Variants in LENG1 observed in about 807,000 individuals in gnomAD.
LENG1 encodes leukocyte receptor cluster member 1.
Under a neutral mutation model 28.8 loss-of-function variants are expected in LENG1, and 35 were observed. The observed-to-expected ratio is 1.22, with a 90% CI of 0.93 to 1.61. The LOEUF is 1.61. LENG1 is among the 40% of genes most tolerant of loss of function. The pLI is 0.00. For synonymous variants in LENG1, 170 were observed against 140.6 expected, an observed-to-expected ratio of 1.21 and a Z score of -1.48; for missense variants, 404 against 348.9, an observed-to-expected ratio of 1.16 and a Z score of -1.26.
chr19:54,156,643 C>T (rs1281799259), intron 3 of LENG1, 120 bp downstream of exon 3: 3 of 1,072,926 alleles, frequency 2.8e-6, no homozygotes, highest in Non-Finnish European at 4.0e-6. Context: ...ACTTCTCCAC[C>T]TAGCCAGCCC....
chr19:54,157,008 A>C lies in LENG1; in HGVS notation c.330T>G (p.Ala110=). The C allele has an allele frequency of 6.4e-7, 1 of 1,551,666 alleles. No individual in the cohort carries two copies. Among genetic ancestry groups the C allele is most frequent in the South Asian group, 1.2e-5 (1 of 82,404 alleles). ...GGCCCAGGTATGTCAGGATGCCCAG[A>C]GCTTTCTCTTGCCTCTCCTGAGGGG... ...KRQEKERQEK[A]LGILTYLGQS... Residue 110 remains alanine (A), a synonymous_variant, in exon 3 of 4, where the codon GCT becomes GCG. Transcript: ENST00000222224.
chr19:54,156,831 C>T lies in LENG1; in HGVS notation c.507G>A (p.Gln169=). The change falls in exon 3 of 4, where the codon CAG becomes CAA. Residue 169 remains glutamine (Q), a synonymous_variant. Transcript: ENST00000222224. ...EMQKHLGKKR[Q]HGGDEGSRSR... ...TGCGACTGCCTTCATCACCGCCGTG[C>T]TGTCTCTTCTTCCCCAGATGCTTCT... 2 of 1,606,534 alleles carry T rather than the reference C, an allele frequency of 1.2e-6. No homozygotes were observed.
At position 54,158,351 on chromosome 19, in the gene LENG1, C is replaced by T; in HGVS notation, c.243G>A (p.Glu81=). 1 of 1,614,218 alleles carries T rather than the reference C, an allele frequency of 6.2e-7. No individual in the cohort carries two copies. Among genetic ancestry groups the T allele is most frequent in the Non-Finnish European group, 8.5e-7 (1 of 1,180,026 alleles). The change falls in exon 2 of 4, where the codon GAG becomes GAA. Residue 81 remains glutamate (E), a synonymous_variant. Coordinates refer to ENST00000222224, the MANE Select transcript of LENG1 (RefSeq NM_024316.3). ...TCACTCCTTTCCCTTCCTCCAGCAG[C>T]TCCCGAAACAGGTCCACAGGGCCAG... is the stretch of plus-strand genomic sequence containing the variant. The part of the protein sequence containing the change: ...PGSGPVDLFR[E]LLEEGKGVIR...
At chr19:54,157,896 T>G (rs2075425024) in intron 2 of LENG1, among the ~76,000 whole-genome samples, 1 of 151,308 alleles carries the variant, frequency 6.6e-6, no homozygotes, top group African/African-American at 2.4e-5. Context: ...TTTTTTTGTA[T>G]TTTTAGAGAT....
chr19:54,157,864 C>T (rs139659030), intron 2 of LENG1, among the ~76,000 whole-genome samples: 2,562 of 151,796 alleles, frequency 0.017, 31 homozygotes, highest in Non-Finnish European at 0.027. Context: ...ATTACAGGCG[C>T]GCACCACCAT....
In LENG1 at chr19:54,157,037, A is replaced by G; in HGVS notation, c.313-12T>C. The G allele has an allele frequency of 6.6e-7, 1 of 1,514,724 alleles. No individual in the cohort carries two copies. Among genetic ancestry groups the G allele is most frequent in the Non-Finnish European group, 8.8e-7 (1 of 1,131,902 alleles). The allele number at this position is 1,514,724 out of a possible 1,614,324, so 93.8% of individuals were successfully genotyped here. ...TTCTCTTGCCTCTCCTGAGGGGGCCAGGAAATACAAGAGATGTGATATAAT... is the reference window on the plus strand; with the variant it reads ...TTCTCTTGCCTCTCCTGAGGGGGCCGGGAAATACAAGAGATGTGATATAAT... On this transcript the variant is annotated splice_polypyrimidine_tract_variant and intron_variant, in intron 2 of 3. Transcript: ENST00000222224.
At chr19:54,158,089 C>T (rs911915644) in intron 2 of LENG1, among the ~76,000 whole-genome samples, 193 bp downstream of exon 2, 1 of 152,226 alleles carries the variant, frequency 6.6e-6, no homozygotes, top group Admixed American at 6.5e-5. Context: ...CTGGGGACCT[C>T]TAGCATCTAC....
intron 3 of LENG1, 81 bp downstream of exon 3, chr19:54,156,680 CAG>C (rs1208921567): frequency 1.4e-6 from 2 of 1,428,524 alleles, no homozygotes; most frequent in Non-Finnish European, 1.9e-6. Flanking sequence ...CTGTCCTGAC[CAG>C]AGACGCTGCA....
Position 54,158,274 on chromosome 19 carries a change from C to T in LENG1, c.312+8G>A, listed in dbSNP as rs769883094. The T allele has an allele frequency of 6.2e-7, 1 of 1,612,012 alleles. No individual in the cohort carries two copies. ...GCCCCTCTGATGAAGTGGGTGAGGCCAGCTTACTTTCTCCTGTCGCTTTTC... is the reference window on the plus strand; with the variant it reads ...GCCCCTCTGATGAAGTGGGTGAGGCTAGCTTACTTTCTCCTGTCGCTTTTC... On this transcript the variant is annotated splice_region_variant and intron_variant, in intron 2 of 3. Coordinates refer to ENST00000222224, the MANE Select transcript of LENG1 (RefSeq NM_024316.3).
intron 1 of LENG1, 145 bp downstream of exon 1, chr19:54,159,419 A>G (rs1426095684): frequency 2.3e-6 from 2 of 854,358 alleles, no homozygotes; most frequent in African/African-American, 3.4e-5. Context: ...TTTGCGGGGC[A>G]ACGTCCTCGA....
chr19:54,156,854 T>C lies in LENG1; in HGVS notation c.484A>G (p.Lys162Glu), dbSNP rs2075398887. The change falls in exon 3 of 4, where the codon AAG becomes GAG. Residue 162 changes from lysine to glutamate, a missense_variant. Physicochemically the swap from Lys to Glu is moderately conservative, Grantham distance 56. Coordinates refer to ENST00000222224, the MANE Select transcript of LENG1 (RefSeq NM_024316.3). ...SRLDPLREMQKHLGKKRQHGG... is the reference protein window; with the variant it reads ...SRLDPLREMQEHLGKKRQHGG... ...TGCTGTCTCTTCTTCCCCAGATGCT[T>C]CTGCATCTCCCGCAGAGGGTCCAGA... 1.2e-6 allele frequency: 2 copies of C among 1,612,502 alleles called. No individual in the cohort carries two copies. The highest frequency in any genetic ancestry group is 2.7e-5 in the African/African-American group (2 of 74,836).
At chr19:54,158,222 T>C in intron 2 of LENG1, 60 bp downstream of exon 2, 3 of 1,474,874 alleles carry the variant, frequency 2.0e-6, no homozygotes, top group South Asian at 1.2e-5. Context: ...ATGGCTAAAG[T>C]GCCCCCTCCC....
chr19:54,159,691 T>G lies in LENG1; in HGVS notation c.5A>C (p.Asn2Thr). The change falls in exon 1 of 4, where the codon AAT (asparagine) becomes ACT (threonine). Residue 2 changes from asparagine to threonine, a missense_variant. By Grantham distance (65) the Asn-to-Thr change is moderately conservative. Coordinates refer to ENST00000222224, the MANE Select transcript of LENG1 (RefSeq NM_024316.3). The part of the protein sequence containing the change: M[N>T]ILPKKSWHVR... ...GTGCCAGCTCTTCTTGGGCAAGATA[T>G]TCATGGCGTCGTAGCTGTCCAGGGA... is the stretch of plus-strand genomic sequence containing the variant. 1.2e-6 allele frequency: 2 copies of G among 1,610,700 alleles called. No individual in the cohort carries two copies. The highest frequency in any genetic ancestry group is 8.5e-7 in the Non-Finnish European group (1 of 1,178,630).
rs1428000626 is a variant in LENG1 at position 54,155,178 on chromosome 19, T to C, written c.*543A>G. Reference sequence around the variant, plus strand: ...CCTTGTGAGGATGGATGAGAGTGTGTGCGTGCAGGGCAGCTGGCCCGGTGC... The same window carrying C: ...CCTTGTGAGGATGGATGAGAGTGTGCGCGTGCAGGGCAGCTGGCCCGGTGC... On this transcript the variant is annotated 3_prime_UTR_variant, in exon 4 of 4. Transcript: ENST00000222224. 44 of 974,862 alleles carry C rather than the reference T, an allele frequency of 4.5e-5. No homozygotes were observed. The highest frequency in any genetic ancestry group is 6.5e-5 in the African/African-American group (4 of 61,102). The allele number at this position is 974,862 out of a possible 1,614,324, so 60.4% of individuals were successfully genotyped here. A position where few individuals can be genotyped will look rare whatever the true frequency, so the allele number is the denominator to read the frequency against.
chr19:54,159,553 T>G lies in LENG1; in HGVS notation c.132+11A>C. On this transcript the variant is annotated intron_variant, in intron 1 of 3. Transcript: ENST00000222224. ...GCCCCGGAGCGCCGCCCTGCCGGCT[T>G]CCGAGCTTACCTCTTGCTGAGCCAG... 1 of 1,544,598 alleles carries G rather than the reference T, an allele frequency of 6.5e-7. No homozygotes were observed. Among genetic ancestry groups the G allele is most frequent in the Non-Finnish European group, 8.7e-7 (1 of 1,146,348 alleles).
chr19:54,157,843 G>A (rs1434369810), intron 2 of LENG1, among the ~76,000 whole-genome samples: 2 of 151,976 alleles, frequency 1.3e-5, no homozygotes, highest in Non-Finnish European at 2.9e-5. Context: ...TCCTGCTTCA[G>A]CCTCCCTGGG....
At chr19:54,158,901 C>T (rs1442050417) in intron 1 of LENG1, among the ~76,000 whole-genome samples, 1 of 152,206 alleles carries the variant, frequency 6.6e-6, no homozygotes, top group African/African-American at 2.4e-5. Context: ...ATTCTAAAAA[C>T]CTAGACTACC....
Position 54,155,374 on chromosome 19 carries a change from G to A in LENG1, c.*347C>T, listed in dbSNP as rs1382776673. 6.2e-7 allele frequency: 1 copy of A among 1,612,458 alleles called. No individual in the cohort carries two copies. Among genetic ancestry groups the A allele is most frequent in the South Asian group, 1.1e-5 (1 of 90,866 alleles). On this transcript the variant is annotated 3_prime_UTR_variant, in exon 4 of 4. Transcript: ENST00000222224. Reference sequence around the variant, plus strand: ...GGAAGAAGGAAGGCTTCACCTTTGAGTACCGCTACCTGGAGGACCGGGACC... The same window carrying A: ...GGAAGAAGGAAGGCTTCACCTTTGAATACCGCTACCTGGAGGACCGGGACC...
At position 54,156,882 on chromosome 19, in the gene LENG1, G is replaced by A; in HGVS notation, c.456C>T (p.Ser152=). ...GCATCTCCCGCAGAGGGTCCAGACG[G>A]CTCTTGATCTTCTCATCTGGGGCTG... is the stretch of plus-strand genomic sequence containing the variant. ...PGPAPDEKIK[S]RLDPLREMQK... Residue 152 remains serine, a synonymous_variant, in exon 3 of 4, where the codon AGC becomes AGT. Coordinates refer to ENST00000222224, the MANE Select transcript of LENG1 (RefSeq NM_024316.3). The A allele has an allele frequency of 1.3e-6, 2 of 1,585,208 alleles. No individual in the cohort carries two copies. Among genetic ancestry groups the A allele is most frequent in the Non-Finnish European group, 8.7e-7 (1 of 1,153,968 alleles).
Sources: allele counts gnomAD v4.1 joint callset (sites outside exome capture counted in the v4.1 genomes callset), GRCh38; gene constraint gnomAD v4.1.1; transcripts MANE v1.5; gene names NCBI Gene and HGNC (gene_info 2026-07-23, HGNC 2026-07-21).